The following ZNF385C variants were observed in gnomAD, a reference collection of about 807,000 sequenced individuals.
ZNF385C encodes zinc finger protein 385C.
ZNF385C carries 28 observed loss-of-function variants against 35.4 expected under a neutral mutation model. The observed-to-expected ratio is 0.79, with a 90% CI of 0.59 to 1.08. The LOEUF is 1.08. ZNF385C is among the 50% of genes least tolerant of loss of function. The pLI is 0.00. For missense variants in ZNF385C, 605 were observed against 595.6 expected (o/e 1.02, Z -0.16); for synonymous variants, 248 against 248.2 (o/e 1.00, Z 0.01).
At chr17:42,082,734 A>G (rs1033373751) in intron 1 of ZNF385C, among the ~76,000 whole-genome samples, 2 of 152,066 alleles carry the variant, frequency 1.3e-5, no homozygotes, top group African/African-American at 4.8e-5. Flanking sequence ...GGAGTTTGAG[A>G]CCAGCCTGGG....
At position 42,040,998 on chromosome 17, in the gene ZNF385C, G is replaced by C. The variant is rs535011363; in HGVS notation, c.251-3113C>G. On this transcript the variant is annotated intron_variant, in intron 2 of 8. Coordinates refer to ENST00000692273, the MANE Select transcript of ZNF385C (RefSeq NM_001392013.1). ...CCAAGAGCTGGCCAGCAGTGGCCTC[G>C]CCCTCCTGTAGCTCCACACTGCCCA... The C allele has an allele frequency of 8.0e-4, 987 of 1,232,286 alleles. 6 individuals are homozygous for C. The African/African-American group carries it at 0.013, about 16-fold the overall frequency. 76.3% of individuals were successfully genotyped at this position (1,232,286 alleles called of 1,614,324 possible). A position where few individuals can be genotyped will look rare whatever the true frequency, so the allele number is the denominator to read the frequency against.
intron 6 of ZNF385C, 178 bp from the exon 7 acceptor site, chr17:42,028,424 C>T: frequency 1.6e-6 from 1 of 637,656 alleles, no homozygotes; most frequent in East Asian, 2.9e-5. Flanking sequence ...CATGCCAGCC[C>T]CTCCTATGAA....
At chr17:42,063,266 C>T (rs552746179) in intron 1 of ZNF385C, among the ~76,000 whole-genome samples, 17 of 152,270 alleles carry the variant, frequency 1.1e-4, no homozygotes, top group East Asian at 9.7e-4. Flanking sequence ...CTGTGGCTCA[C>T]GCCTGTAATC....
intron 2 of ZNF385C, chr17:42,043,347 TC>T: frequency 3.2e-6 from 4 of 1,232,224 alleles, no homozygotes; most frequent in Non-Finnish European, 4.0e-6. Context: ...TGGAGGCCTC[TC>T]CCGCTGGTTT....
chr17:42,027,733 T>C lies in ZNF385C; in HGVS notation c.1165-5A>G, dbSNP rs2052625457. 1 of 1,611,142 alleles carries C rather than the reference T, an allele frequency of 6.2e-7. No individual in the cohort carries two copies. Among genetic ancestry groups the C allele is most frequent in the Non-Finnish European group, 8.5e-7 (1 of 1,179,034 alleles). ...GTGCCTCCTGCTGCTCATGTGCTAA[T>C]GGACAGACAGACAGACTGGGAACAA... On this transcript the variant is annotated splice_polypyrimidine_tract_variant and splice_region_variant and intron_variant, in intron 7 of 8. Coordinates refer to ENST00000692273, the MANE Select transcript of ZNF385C (RefSeq NM_001392013.1).
At chr17:42,030,751 C>T (rs371514971) in intron 5 of ZNF385C, among the ~76,000 whole-genome samples, 15 of 152,056 alleles carry the variant, frequency 9.9e-5, no homozygotes, top group African/African-American at 3.6e-4. Context: ...ATGCTGGGTT[C>T]GGGTGGGATT....
Position 42,062,849 on chromosome 17 carries a change from G to A in ZNF385C, c.208C>T (p.Arg70Trp), listed in dbSNP as rs200583420. The change falls in exon 2 of 9, where the codon CGG (arginine) becomes TGG (tryptophan). Residue 70 changes from arginine to tryptophan, a missense_variant. Coordinates refer to ENST00000692273, the MANE Select transcript of ZNF385C (RefSeq NM_001392013.1). Reference protein sequence around the residue: ...VHCGGRAHQRRLRQLSLGKSP... With the variant: ...VHCGGRAHQRWLRQLSLGKSP... ...TTCCCCAAGCTGAGCTGCCGAAGCC[G>A]CCTCTGGTGGGCCCGCCCCCCACAG... The A allele has an allele frequency of 1.8e-5, 11 of 626,850 alleles. No homozygotes were observed. Among genetic ancestry groups the A allele is most frequent in the South Asian group, 3.6e-5 (2 of 55,566 alleles). The allele number at this position is 626,850 out of a possible 1,614,324, so 38.8% of individuals were successfully genotyped here.
Position 42,050,766 on chromosome 17 carries a change from G to C in ZNF385C, c.250+12041C>G, listed in dbSNP as rs1291802637. On this transcript the variant is annotated intron_variant, in intron 2 of 8. Transcript: ENST00000692273. This position sits in a 1 kb window ranked among gnomAD's most constrained non-coding sequence, Gnocchi z 5.6. ...GCCTCCCGCCCAGCGCGCTCAGCCC[G>C]GCCCCGGCCCCACCCCCCAGCCCCT... 6.6e-6 allele frequency among the ~76,000 whole-genome samples: 1 copy of C among 150,636 alleles called. No homozygotes were observed. The highest frequency in any genetic ancestry group is 1.5e-5 in the Non-Finnish European group (1 of 67,618).
At chr17:42,027,565 CCA>C in intron 8 of ZNF385C, 51 bp downstream of exon 8, 1 of 809,488 alleles carries the variant, frequency 1.2e-6, no homozygotes. Context: ...CCCTCCCAGC[CCA>C]CCCTCTCCCC....
chr17:42,070,034 C>A, intron 1 of ZNF385C, among the ~76,000 whole-genome samples: 1 of 145,802 alleles, frequency 6.9e-6, no homozygotes, highest in East Asian at 2.1e-4. Flanking sequence ...AATGAAACTC[C>A]GTCTCAAAAA....
At chr17:42,029,927 G>A (rs1330335278) in intron 5 of ZNF385C, among the ~76,000 whole-genome samples, 1 of 151,590 alleles carries the variant, frequency 6.6e-6, no homozygotes, top group Non-Finnish European at 1.5e-5. Context: ...CCAACTACTT[G>A]GGAGGCTGAG....
intron 3 of ZNF385C, 94 bp downstream of exon 3, chr17:42,037,643 G>T: frequency 7.2e-7 from 1 of 1,395,872 alleles, no homozygotes; most frequent in South Asian, 1.5e-5. Context: ...CTCCTGGTTA[G>T]ACCCAGCTGC....
At chr17:42,039,657 C>G in intron 2 of ZNF385C, 1 of 1,227,822 alleles carries the variant, frequency 8.1e-7, no homozygotes, top group South Asian at 4.1e-5. Flanking sequence ...TTGGCCCTTA[C>G]AGTGCCCAGG....
At chr17:42,059,012 C>T (rs1445940141) in intron 2 of ZNF385C, among the ~76,000 whole-genome samples, 1 of 152,228 alleles carries the variant, frequency 6.6e-6, no homozygotes, top group African/African-American at 2.4e-5. Flanking sequence ...TCTCAGATAA[C>T]TGAGGAGACA....
intron 1 of ZNF385C, among the ~76,000 whole-genome samples, chr17:42,085,823 T>C (rs1432238515): frequency 1.3e-5 from 2 of 150,972 alleles, no homozygotes; most frequent in East Asian, 4.0e-4. Context: ...GGTCTTGAAC[T>C]CCTGACCTCG....
At chr17:42,085,522 G>A (rs1555660055) in intron 1 of ZNF385C, among the ~76,000 whole-genome samples, 1 of 151,088 alleles carries the variant, frequency 6.6e-6, no homozygotes, top group African/African-American at 2.4e-5. Context: ...CTGAGTTCAG[G>A]CAATCTGCCC....
intron 1 of ZNF385C, among the ~76,000 whole-genome samples, chr17:42,064,114 ACACACTTT>A (rs1194409608): frequency 7.2e-6 from 1 of 138,662 alleles, no homozygotes; most frequent in Non-Finnish European, 1.6e-5. Flanking sequence ...ACACACACAC[ACACACTTT>A]CTGTCTCTTC....
chr17:42,056,183 G>A lies in ZNF385C; in HGVS notation c.250+6624C>T, dbSNP rs150403740. On this transcript the variant is annotated intron_variant, in intron 2 of 8. Transcript: ENST00000692273. Reference sequence around the variant, plus strand: ...AGGCCCACTCTGAATTGGATGACTGGGTTCTTTCTACCAAGAGACAAGGGA... The same window carrying A: ...AGGCCCACTCTGAATTGGATGACTGAGTTCTTTCTACCAAGAGACAAGGGA... 1.8e-3 allele frequency among the ~76,000 whole-genome samples: 272 copies of A among 152,320 alleles called. 2 individuals carry two copies. The highest frequency in any genetic ancestry group is 2.9e-3 in the Non-Finnish European group (200 of 68,034).
chr17:42,030,767 A>G (rs782418562), intron 5 of ZNF385C, among the ~76,000 whole-genome samples: 2 of 152,144 alleles, frequency 1.3e-5, no homozygotes, highest in Non-Finnish European at 2.9e-5. Flanking sequence ...GGATTGATCT[A>G]GTGACTGGTA....
Sources: gnomAD v4.1 joint callset for allele counts (sites outside exome capture counted in the v4.1 genomes callset) on GRCh38, gnomAD v4.1.1 for gene constraint, Gnocchi (gnomAD v3.1) non-coding constraint, MANE v1.5 for transcripts, NCBI Gene and HGNC (gene_info 2026-07-23, HGNC 2026-07-21) for gene names.